TMTC2: variants seen among roughly 807,000 people sequenced by gnomAD.
TMTC2 encodes the protein protein O-mannosyl-transferase TMTC2.
A neutral mutation model predicts 82.4 loss-of-function variants in TMTC2; 43 were observed. The observed-to-expected ratio is 0.52, with a 90% CI of 0.41 to 0.67. The LOEUF (loss-of-function observed/expected upper bound fraction) is 0.67. TMTC2 is among the 30% of genes least tolerant of loss of function. TMTC2 has a pLI of 0.00. For synonymous variants in TMTC2, 408 were observed against 381.9 expected, an observed-to-expected ratio of 1.07 and a Z score of -0.80; for missense variants, 919 against 1,012.4, an observed-to-expected ratio of 0.91 and a Z score of 1.25.
rs1871332401 is a variant in TMTC2, at chr12:82,857,683, T to A, written c.654+103T>A. The A allele has an allele frequency of 3.7e-6, 4 of 1,075,154 alleles. No individual in the cohort carries two copies. In the Admixed American group the frequency reaches 1.2e-4, roughly 31 times the overall value. The allele number at this position is 1,075,154 out of a possible 1,614,324, so 66.6% of individuals were successfully genotyped here. On this transcript the variant is annotated intron_variant, in intron 2 of 11. Transcript: ENST00000321196. ...AAATTTATTCCTCTGCAAGCGGAAT[T>A]TAAAATAAGTTCCTTTTTGATCTTC...
chr12:82,782,047 C>G (rs999420210), intron 1 of TMTC2, among the ~76,000 whole-genome samples: 3 of 152,062 alleles, frequency 2.0e-5, no homozygotes, highest in African/African-American at 7.2e-5. Context: ...CTTCACACTT[C>G]TATTTATTTA....
intron 1 of TMTC2, among the ~76,000 whole-genome samples, chr12:82,718,380 A>G (rs1873996485): frequency 6.6e-6 from 1 of 152,236 alleles, no homozygotes; most frequent in Admixed American, 6.5e-5. Flanking sequence ...TTAAACCTGA[A>G]TTATACCTGT....
intron 4 of TMTC2, among the ~76,000 whole-genome samples, chr12:82,954,888 A>C (rs996675369): frequency 2.0e-5 from 3 of 152,192 alleles, no homozygotes; most frequent in Admixed American, 1.3e-4. Context: ...AATTTTTAGA[A>C]AATTTAATTT....
intron 11 of TMTC2, among the ~76,000 whole-genome samples, chr12:83,082,698 A>G (rs1883513393): frequency 6.6e-6 from 1 of 152,232 alleles, no homozygotes; most frequent in South Asian, 2.1e-4. Flanking sequence ...TGTTCATGAT[A>G]TGGCAGCATA....
intron 7 of TMTC2, among the ~76,000 whole-genome samples, chr12:82,972,100 A>G (rs1482126512): frequency 6.6e-6 from 1 of 152,158 alleles, no homozygotes; most frequent in Non-Finnish European, 1.5e-5. Context: ...TTCTTATGTG[A>G]TACTTAAGAA....
intron 1 of TMTC2, chr12:82,761,029 CCGTGCT>C: frequency 6.4e-6 from 1 of 155,266 alleles, no homozygotes; most frequent in Non-Finnish European, 1.4e-5. Context: ...TGAAACCATC[CCGTGCT>C]CCCAAGCTTG....
At chr12:82,992,975 G>GT (rs1341659418) in intron 8 of TMTC2, among the ~76,000 whole-genome samples, 1 of 151,998 alleles carries the variant, frequency 6.6e-6, no homozygotes, top group Non-Finnish European at 1.5e-5. Flanking sequence ...ATGCTGCTTT[G>GT]TTTTTTATTA....
At chr12:83,001,807 C>T (rs1335529254) in intron 8 of TMTC2, among the ~76,000 whole-genome samples, 2 of 152,154 alleles carry the variant, frequency 1.3e-5, no homozygotes, top group Non-Finnish European at 2.9e-5. Flanking sequence ...ACAAGTTCCT[C>T]ATCTCCATCT....
intron 1 of TMTC2, among the ~76,000 whole-genome samples, chr12:82,757,802 C>G (rs1315468931): frequency 1.3e-5 from 2 of 152,116 alleles, no homozygotes; most frequent in Non-Finnish European, 2.9e-5. Flanking sequence ...ATGCAGGATT[C>G]CATGAAGTCA....
rs77480888 is a variant in TMTC2, at chr12:83,066,209, C to T, written c.2331+4378C>T. Among the ~76,000 whole-genome samples, 1,322 of 151,968 alleles carry T rather than the reference C, an allele frequency of 8.7e-3. 28 individuals carry two copies. The highest frequency in any genetic ancestry group is 0.031 in the African/African-American group (1,266 of 41,476). Reference sequence around the variant, plus strand: ...GTGAGACACATGAGCTAGGTGTAAGCAAAGCGCACAGGAGAGAGAAATGAC... The same window carrying T: ...GTGAGACACATGAGCTAGGTGTAAGTAAAGCGCACAGGAGAGAGAAATGAC... On this transcript the variant is annotated intron_variant, in intron 11 of 11. Coordinates refer to ENST00000321196, the MANE Select transcript of TMTC2 (RefSeq NM_152588.3).
chr12:83,081,825 G>A (rs958645763), intron 11 of TMTC2, among the ~76,000 whole-genome samples: 1 of 152,024 alleles, frequency 6.6e-6, no homozygotes, highest in Non-Finnish European at 1.5e-5. Context: ...CATCACTGGG[G>A]TCCAAGGGTT....
At chr12:82,848,158 T>C (rs1870792165) in intron 1 of TMTC2, among the ~76,000 whole-genome samples, 1 of 152,076 alleles carries the variant, frequency 6.6e-6, no homozygotes, top group East Asian at 1.9e-4. Context: ...AGAAGAATCA[T>C]ACATGACAGA....
At chr12:82,934,779 T>A (rs1398131429) in intron 4 of TMTC2, among the ~76,000 whole-genome samples, 1 of 152,142 alleles carries the variant, frequency 6.6e-6, no homozygotes, top group Non-Finnish European at 1.5e-5. Context: ...TGGTTCTAGA[T>A]CCTTGAGGAA....
At chr12:82,898,229 C>A (rs1358600616) in intron 3 of TMTC2, among the ~76,000 whole-genome samples, 1 of 152,170 alleles carries the variant, frequency 6.6e-6, no homozygotes, top group Non-Finnish European at 1.5e-5. Context: ...GAGTACTTCA[C>A]AGTTTATTGA....
At chr12:82,784,146 CAAAT>C (rs1878051443) in intron 1 of TMTC2, among the ~76,000 whole-genome samples, 1 of 151,802 alleles carries the variant, frequency 6.6e-6, no homozygotes, top group African/African-American at 2.4e-5. Context: ...AAAATATACA[CAAAT>C]AATACTTGAA....
At chr12:83,008,675 T>C (rs137932739) in intron 8 of TMTC2, among the ~76,000 whole-genome samples, 12 of 152,354 alleles carry the variant, frequency 7.9e-5, no homozygotes, top group African/African-American at 2.9e-4. Context: ...GTTTTTCTAA[T>C]CTTTTGCCAT....
At chr12:82,906,226 A>T (rs1335461356) in intron 3 of TMTC2, among the ~76,000 whole-genome samples, 1 of 152,152 alleles carries the variant, frequency 6.6e-6, no homozygotes, top group Non-Finnish European at 1.5e-5. Flanking sequence ...GAGTGTCTTT[A>T]ACTATGATGA....
chr12:82,727,742 A>T (rs1874535851), intron 1 of TMTC2, among the ~76,000 whole-genome samples: 1 of 151,894 alleles, frequency 6.6e-6, no homozygotes, highest in Admixed American at 6.6e-5. Context: ...ATTCTTTTGA[A>T]ATCCAACTTT....
chr12:83,113,961 A>T (rs901135807), intron 11 of TMTC2, among the ~76,000 whole-genome samples: 1 of 152,134 alleles, frequency 6.6e-6, no homozygotes, highest in Non-Finnish European at 1.5e-5. Flanking sequence ...CTTCATATTC[A>T]TTCTGCGAGT....
Sources: gnomAD v4.1 joint callset for allele counts (sites outside exome capture counted in the v4.1 genomes callset) on GRCh38, gnomAD v4.1.1 for gene constraint, MANE v1.5 for transcripts, NCBI Gene and HGNC (gene_info 2026-07-23, HGNC 2026-07-21) for gene names.